The following SLC25A25 variants were observed in gnomAD, a reference collection of about 807,000 sequenced individuals.
The protein encoded by SLC25A25 is solute carrier family 25 member 25.
SLC25A25 carries 32 observed loss-of-function variants against 57.7 expected under a neutral mutation model. The ratio of observed to expected loss-of-function variants is 0.55; its 90% CI spans 0.42 to 0.74. The LOEUF (loss-of-function observed/expected upper bound fraction) is 0.74. Among genes scored for constraint, SLC25A25 ranks in the 30% least tolerant of loss-of-function variants. The pLI is 0.00. For missense variants in SLC25A25, 556 were observed against 701.3 expected (o/e 0.79, Z 2.34); for synonymous variants, 306 against 291.2 (o/e 1.05, Z -0.52).
intron 1 of SLC25A25, among the ~76,000 whole-genome samples, chr9:128,100,025 GC>G (rs1324641900): frequency 6.6e-6 from 1 of 152,136 alleles, no homozygotes; most frequent in Non-Finnish European, 1.5e-5. Context: ...CTTGAGGGTG[GC>G]GGCAGGATGT....
Position 128,103,865 on chromosome 9 carries a change from C to T in SLC25A25, c.783+26C>T. 3.3e-6 allele frequency: 5 copies of T among 1,503,500 alleles called. No individual in the cohort carries two copies. The highest frequency in any genetic ancestry group is 4.4e-6 in the Non-Finnish European group (5 of 1,127,198). 93.1% of individuals were successfully genotyped at this position (1,503,500 alleles called of 1,614,324 possible). A position where few individuals can be genotyped will look rare whatever the true frequency, so the allele number is the denominator to read the frequency against. On this transcript the variant is annotated intron_variant, in intron 6 of 10. Transcript: ENST00000373069. The surrounding 1 kb of genome is among the most constrained non-coding windows in gnomAD (Gnocchi z 6.7). ...GTATGTAGGGAAAAGGCCCCAGACCCCTGGGGGGCCAGTTTCCACCTGGGG... is the reference window on the plus strand; with the variant it reads ...GTATGTAGGGAAAAGGCCCCAGACCTCTGGGGGGCCAGTTTCCACCTGGGG...
At chr9:128,105,118 CA>C (rs1400735262) in intron 6 of SLC25A25, among the ~76,000 whole-genome samples, 2 of 148,806 alleles carry the variant, frequency 1.3e-5, no homozygotes, top group African/African-American at 5.0e-5. Context: ...CTCGGCCTCC[CA>C]AAGTGCTGGG....
At chr9:128,079,397 T>G in intron 1 of SLC25A25, among the ~76,000 whole-genome samples, 1 of 128,296 alleles carries the variant, frequency 7.8e-6, no homozygotes. Context: ...TTGATTGAAA[T>G]GCTGCTGATG....
intron 9 of SLC25A25, among the ~76,000 whole-genome samples, 194 bp from the exon 10 acceptor site, chr9:128,106,835 G>C (rs2130829594): frequency 6.6e-6 from 1 of 152,262 alleles, no homozygotes; most frequent in South Asian, 2.1e-4. Context: ...TTCTGTGTGG[G>C]GAAGGAGGTG....
intron 1 of SLC25A25, among the ~76,000 whole-genome samples, chr9:128,089,423 G>A (rs549425885): frequency 1.3e-5 from 2 of 152,228 alleles, no homozygotes; most frequent in East Asian, 3.9e-4. Context: ...GAGAGCTGAA[G>A]TATCTTAGCC....
At chr9:128,071,548 G>A (rs1339141909) in intron 1 of SLC25A25, among the ~76,000 whole-genome samples, 3 of 147,552 alleles carry the variant, frequency 2.0e-5, no homozygotes, top group Non-Finnish European at 3.0e-5. Context: ...CTACAGGCAC[G>A]CACCACCACG....
intron 1 of SLC25A25, among the ~76,000 whole-genome samples, chr9:128,080,057 G>A (rs1023907029): frequency 9.3e-5 from 14 of 150,524 alleles, no homozygotes; most frequent in Admixed American, 2.7e-4. Context: ...GCTGAGGCAG[G>A]AGAATCGCTT....
At chr9:128,091,302 C>T (rs1274277287) in intron 1 of SLC25A25, 1 of 367,456 alleles carries the variant, frequency 2.7e-6, no homozygotes, top group African/African-American at 2.2e-5. Flanking sequence ...CCGCACCTCC[C>T]TGCAGAATTG....
intron 1 of SLC25A25, among the ~76,000 whole-genome samples, chr9:128,081,583 G>C (rs1160594501): frequency 1.3e-5 from 2 of 151,938 alleles, no homozygotes; most frequent in Admixed American, 6.6e-5. Flanking sequence ...CCTTACTCTT[G>C]GTGCACATGT....
intron 1 of SLC25A25, among the ~76,000 whole-genome samples, chr9:128,084,341 A>G (rs944546044): frequency 4.6e-5 from 7 of 150,720 alleles, no homozygotes; most frequent in African/African-American, 7.3e-5. Context: ...GCTTACTGCA[A>G]CCTCCGCCTC....
rs1349028926 is a variant in SLC25A25, at chr9:128,099,675, C to T, written c.262-1421C>T. On this transcript the variant is annotated intron_variant, in intron 1 of 10. Transcript: ENST00000373069. The surrounding 1 kb of genome is among the most constrained non-coding windows in gnomAD (Gnocchi z 6.8). ...TCTGTCCTACATTCCAGCCACGCCC[C>T]TCACATTAGCCTTTTGATCGCGCCA... Among the ~76,000 whole-genome samples, 1 of 152,248 alleles carries T rather than the reference C, an allele frequency of 6.6e-6. No homozygotes were observed. Among genetic ancestry groups the T allele is most frequent in the Non-Finnish European group, 1.5e-5 (1 of 68,044 alleles).
intron 1 of SLC25A25, chr9:128,100,742 C>CT (rs1287644457): frequency 4.1e-6 from 1 of 245,886 alleles, no homozygotes; most frequent in Non-Finnish European, 7.9e-6. Flanking sequence ...CGAAGCCACC[C>CT]TGCTCACCCT....
chr9:128,098,863 G>A (rs745604634), intron 1 of SLC25A25: 8 of 1,491,960 alleles, frequency 5.4e-6, no homozygotes, highest in East Asian at 2.3e-5. Flanking sequence ...ATTGCCATGC[G>A]GCTATGGCCG....
chr9:128,068,400 A>G lies in SLC25A25; in HGVS notation c.81A>G (p.Ser27=), dbSNP rs748123141. Residue 27 remains serine (S), a synonymous_variant, in exon 1 of 11, where the codon TCA becomes TCG. Transcript: ENST00000373069. ...CCACCGCCGCCTCTTCGTCTGCCTCATCGCCGGCGTCCGTGGGGGACCCCT... is the reference window on the plus strand; with the variant it reads ...CCACCGCCGCCTCTTCGTCTGCCTCGTCGCCGGCGTCCGTGGGGGACCCCT... ...AAATAASSSA[S]SPASVGDPCG... 1.9e-6 allele frequency: 3 copies of G among 1,557,614 alleles called. No homozygotes were observed. The highest frequency in any genetic ancestry group is 5.0e-5 in the East Asian group (2 of 40,220).
intron 1 of SLC25A25, among the ~76,000 whole-genome samples, chr9:128,079,727 T>A (rs1020840281): frequency 6.8e-6 from 1 of 146,582 alleles, no homozygotes; most frequent in Non-Finnish European, 1.5e-5. Flanking sequence ...GCGCGGTGGC[T>A]CACGCCTGTA....
At chr9:128,079,876 A>C (rs1179184875) in intron 1 of SLC25A25, among the ~76,000 whole-genome samples, 1 of 152,170 alleles carries the variant, frequency 6.6e-6, no homozygotes, top group African/African-American at 2.4e-5. Context: ...CTGTAGTCCC[A>C]GCTACTCGGG....
chr9:128,098,241 G>C, intron 1 of SLC25A25: 1 of 229,394 alleles, frequency 4.4e-6, no homozygotes, highest in African/African-American at 2.3e-5. Flanking sequence ...TCTGTACCTG[G>C]TACCCAGGCA....
chr9:128,084,721 A>G (rs1833238192), intron 1 of SLC25A25, among the ~76,000 whole-genome samples: 1 of 152,232 alleles, frequency 6.6e-6, no homozygotes, highest in Non-Finnish European at 1.5e-5. Flanking sequence ...CTGGGGCTGT[A>G]TCATGGGCCT....
At chr9:128,079,721 G>A (rs546767657) in intron 1 of SLC25A25, among the ~76,000 whole-genome samples, 18 of 148,210 alleles carry the variant, frequency 1.2e-4, no homozygotes, top group Admixed American at 2.7e-4. Context: ...GGCCAGGCGC[G>A]GTGGCTCACG....
Sources: allele counts gnomAD v4.1 joint callset (sites outside exome capture counted in the v4.1 genomes callset), GRCh38; gene constraint gnomAD v4.1.1; non-coding constraint Gnocchi (gnomAD v3.1); transcripts MANE v1.5; gene names NCBI Gene and HGNC (gene_info 2026-07-23, HGNC 2026-07-21).